The following QTRT2 variants were observed in gnomAD, a reference collection of about 807,000 sequenced individuals.
QTRT2 encodes the protein queuine tRNA-ribosyltransferase accessory subunit 2.
In QTRT2, 32 loss-of-function variants were observed where a neutral mutation model predicts 44.8. The ratio of observed to expected loss-of-function variants is 0.71; its 90% CI spans 0.54 to 0.96. QTRT2 has a LOEUF of 0.96. QTRT2 is among the 40% of genes least tolerant of loss of function. QTRT2 has a pLI of 0.00. For missense variants in QTRT2, 461 were observed against 503.1 expected (o/e 0.92, Z 0.80); for synonymous variants, 182 against 187.4 (o/e 0.97, Z 0.24).
intron 6 of QTRT2, 119 bp from the exon 7 acceptor site, chr3:114,076,624 C>A: frequency 2.3e-6 from 2 of 876,266 alleles, no homozygotes; most frequent in Non-Finnish European, 3.6e-6. Flanking sequence ...CCCTTTAATG[C>A]TTCAACTACA....
intron 6 of QTRT2, among the ~76,000 whole-genome samples, chr3:114,074,549 C>T (rs978611460): frequency 6.6e-6 from 1 of 152,158 alleles, no homozygotes; most frequent in Non-Finnish European, 1.5e-5. Context: ...ATTCTTTAAT[C>T]GTACTCACCC....
At chr3:114,070,016 A>G (rs1169422641) in intron 5 of QTRT2, among the ~76,000 whole-genome samples, 1 of 152,216 alleles carries the variant, frequency 6.6e-6, no homozygotes, top group Non-Finnish European at 1.5e-5. Flanking sequence ...AAATAAATAC[A>G]AATTGATGTA....
chr3:114,056,908 G>A, intron 1 of QTRT2, 44 bp downstream of exon 1: 1 of 1,532,414 alleles, frequency 6.5e-7, no homozygotes, highest in Non-Finnish European at 8.7e-7. Context: ...TGCTAGAGAT[G>A]GATGAGTCAC....
chr3:114,078,716 G>A (rs1425480438), intron 7 of QTRT2: 10 of 152,126 alleles, frequency 6.6e-5, no homozygotes, highest in African/African-American at 2.4e-4. Context: ...GTACGTACTG[G>A]TTGGGCATCC....
intron 2 of QTRT2, among the ~76,000 whole-genome samples, chr3:114,058,647 C>T (rs2076842378): frequency 6.6e-6 from 1 of 152,162 alleles, no homozygotes; most frequent in African/African-American, 2.4e-5. Context: ...ATTCTCCTGT[C>T]TCAGCCTCCG....
chr3:114,073,313 T>G (rs188254331), intron 6 of QTRT2, among the ~76,000 whole-genome samples: 2 of 152,292 alleles, frequency 1.3e-5, no homozygotes, highest in African/African-American at 4.8e-5. Context: ...GTCCCTCATC[T>G]GTGTTGTTGC....
Position 114,068,049 on chromosome 3 carries a change from T to G in QTRT2, c.319T>G (p.Tyr107Asp). Reference protein sequence around the residue: ...HDPVSPCPAGYVTNKSVSVWS... With the variant: ...HDPVSPCPAGDVTNKSVSVWS... ...TCCAGTCAGCCCCTGCCCGGCTGGT[T>G]ATGTAACAAACAAGGTGTGTTTTCA... The change falls in exon 5 of 10, where the codon TAT becomes GAT. Residue 107 changes from tyrosine (Y) to aspartate (D), a missense_variant. Physicochemically the swap from Tyr to Asp is radical, Grantham distance 160. Transcript: ENST00000281273. The G allele has an allele frequency of 6.2e-7, 1 of 1,613,840 alleles. No homozygotes were observed. Among genetic ancestry groups the G allele is most frequent in the Non-Finnish European group, 8.5e-7 (1 of 1,179,786 alleles).
chr3:114,080,322 AAGAACATTCAG>A (rs1193181819), intron 8 of QTRT2, among the ~76,000 whole-genome samples: 2 of 152,220 alleles, frequency 1.3e-5, no homozygotes, highest in African/African-American at 4.8e-5. Flanking sequence ...AGCCTGAAAA[AAGAACATTCAG>A]AGTGAATTGT....
At position 114,082,764 on chromosome 3, in the gene QTRT2, C is replaced by T; in HGVS notation, c.986C>T (p.Thr329Ile). The T allele has an allele frequency of 6.7e-7, 1 of 1,485,030 alleles. No individual in the cohort carries two copies. The highest frequency in any genetic ancestry group is 9.2e-7 in the Non-Finnish European group (1 of 1,083,716). 92.0% of individuals were successfully genotyped at this position (1,485,030 alleles called of 1,614,324 possible). Residue 329 changes from threonine (T) to isoleucine (I), a missense_variant, in exon 9 of 10, where the codon ACA (threonine) becomes ATA (isoleucine). By Grantham distance (89) the Thr-to-Ile change is moderately conservative (BLOSUM62 -1). Transcript: ENST00000281273. The stretch of plus-strand genomic sequence containing the variant: ...ACAACTGGTTGCAACCAAGAAATAA[C>T]ATCATTTGAAATTAATCTGAAGGAA... Reference protein sequence around the residue: ...IETTGCNQEITSFEINLKEKK... With the variant: ...IETTGCNQEIISFEINLKEKK...
intron 8 of QTRT2, among the ~76,000 whole-genome samples, chr3:114,080,555 G>T (rs1342586189): frequency 6.6e-6 from 1 of 151,996 alleles, no homozygotes; most frequent in Admixed American, 6.6e-5. Flanking sequence ...TTGAAGGACT[G>T]CCATTTTCTT....
At chr3:114,083,044 A>C in intron 9 of QTRT2, 1 of 453,866 alleles carries the variant, frequency 2.2e-6, no homozygotes, top group Non-Finnish European at 4.1e-6. Context: ...AGATTAAACC[A>C]AATCCATTGT....
At chr3:114,062,426 C>G (rs1212836720) in intron 2 of QTRT2, among the ~76,000 whole-genome samples, 2 of 151,298 alleles carry the variant, frequency 1.3e-5, no homozygotes, top group African/African-American at 4.9e-5. Context: ...GCAGGAGGCC[C>G]AGGTTCTAGA....
chr3:114,080,034 A>G lies in QTRT2; in HGVS notation c.875A>G (p.Tyr292Cys). 6.2e-7 allele frequency: 1 copy of G among 1,610,920 alleles called. No individual in the cohort carries two copies. Among genetic ancestry groups the G allele is most frequent in the Non-Finnish European group, 8.5e-7 (1 of 1,178,490 alleles). ...TGTGCCCTGACTTTCAGTTTTGATT[A>G]CCAGCCGAATCCTGAAGAGACACGT... ...RGCALTFSFD[Y>C]QPNPEETLLQ... Residue 292 changes from tyrosine to cysteine, a missense_variant, in exon 8 of 10, where the codon TAC (tyrosine) becomes TGC (cysteine). Coordinates refer to ENST00000281273, the MANE Select transcript of QTRT2 (RefSeq NM_024638.4).
In QTRT2 at chr3:114,062,368, CAAAAA is replaced by C. The variant is rs143192501; in HGVS notation, c.-21-2850_-21-2846del. 1.3e-4 allele frequency among the ~76,000 whole-genome samples: 11 copies of C among 86,146 alleles called. 1 individual carries two copies. The highest frequency in any genetic ancestry group is 1.2e-3 in the South Asian group (3 of 2,456). The allele number at this position is 86,146 out of a possible 152,430, so 56.5% of individuals were successfully genotyped here. ...TGGGCAATAGAGTGAGACCTTGTCT[CAAAAA>C]AAAAAAAAAAAAAAAAAAGAATAAA... On this transcript the variant is annotated intron_variant, in intron 2 of 9. Transcript: ENST00000281273.
rs2077015008 is a variant in QTRT2 at position 114,070,814 on chromosome 3, T to G, written c.522T>G (p.Cys174Trp). The change falls in exon 6 of 10, where the codon TGT (cysteine) becomes TGG (tryptophan). Residue 174 changes from cysteine (C) to tryptophan (W), a missense_variant. Transcript: ENST00000281273. ...GATCACTTCTTTTCTTGGATAACTG[T>G]CTGCGGCTGCAGGAAGAGTCAGAGG... Reference protein sequence around the residue: ...VDRSLLFLDNCLRLQEESEVL... With the variant: ...VDRSLLFLDNWLRLQEESEVL... 6.2e-7 allele frequency: 1 copy of G among 1,613,938 alleles called. No individual in the cohort carries two copies. The highest frequency in any genetic ancestry group is 8.5e-7 in the Non-Finnish European group (1 of 1,179,944).
In QTRT2 at chr3:114,082,734, T is replaced by C; in HGVS notation, c.956T>C (p.Ile319Thr). 1 of 1,537,524 alleles carries C rather than the reference T, an allele frequency of 6.5e-7. No individual in the cohort carries two copies. The highest frequency in any genetic ancestry group is 8.9e-7 in the Non-Finnish European group (1 of 1,125,100). ...AAATGTATGGATCAAATAAAGAAAA[T>C]TGAAACAACTGGTTGCAACCAAGAA... ...EIKCMDQIKK[I>T]ETTGCNQEIT... Residue 319 changes from isoleucine to threonine, a missense_variant, in exon 9 of 10, where the codon ATT (isoleucine) becomes ACT (threonine). Coordinates refer to ENST00000281273, the MANE Select transcript of QTRT2 (RefSeq NM_024638.4).
intron 6 of QTRT2, among the ~76,000 whole-genome samples, chr3:114,071,702 C>G (rs866166154): frequency 6.6e-6 from 1 of 152,152 alleles, no homozygotes; most frequent in Non-Finnish European, 1.5e-5. Flanking sequence ...AGAATCTTCC[C>G]CTCCTTATTG....
intron 6 of QTRT2, among the ~76,000 whole-genome samples, chr3:114,071,788 T>C (rs889069168): frequency 5.3e-5 from 8 of 152,198 alleles, no homozygotes; most frequent in African/African-American, 1.9e-4. Flanking sequence ...TCCATTCTCA[T>C]TTTTATCCAA....
intron 2 of QTRT2, 122 bp from the exon 3 acceptor site, chr3:114,065,115 A>G (rs1346270789): frequency 1.5e-6 from 1 of 656,560 alleles, no homozygotes; most frequent in African/African-American, 1.8e-5. Context: ...GAAAATATTT[A>G]GACTGGAAGC....
Sources: gnomAD v4.1 joint callset for allele counts (sites outside exome capture counted in the v4.1 genomes callset) on GRCh38, gnomAD v4.1.1 for gene constraint, MANE v1.5 for transcripts, NCBI Gene and HGNC (gene_info 2026-07-23, HGNC 2026-07-21) for gene names.